Variants in PILRA observed in about 807,000 individuals in gnomAD.
PILRA encodes paired immunoglobulin-like type 2 receptor alpha.
A neutral mutation model predicts 33.1 loss-of-function variants in PILRA; 37 were observed. That is an observed-to-expected ratio of 1.12 (90% CI 0.86 to 1.47). The LOEUF (loss-of-function observed/expected upper bound fraction) is 1.47. Among genes scored for constraint, PILRA ranks in the 40% most tolerant of loss-of-function variants. The pLI, the probability that PILRA is intolerant of heterozygous loss-of-function variation, is 0.00. For missense variants in PILRA, 312 were observed against 376.2 expected, an observed-to-expected ratio of 0.83 and a Z score of 1.41; for synonymous variants, 146 against 149.9, an observed-to-expected ratio of 0.97 and a Z score of 0.19.
rs769116330 is a variant in PILRA, at chr7:100,374,360, T to C, written c.381T>C (p.Val127=). 9.3e-6 allele frequency: 15 copies of C among 1,614,092 alleles called. No homozygotes were observed. The highest frequency in any genetic ancestry group is 2.2e-5 in the East Asian group (1 of 44,878). The change falls in exon 2 of 7, where the codon GTT becomes GTC. Residue 127 remains valine, a synonymous_variant. Transcript: ENST00000198536. The stretch of plus-strand genomic sequence containing the variant: ...ACCAGTCTGTGTATTTCTGCCGAGT[T>C]GAGCTGGACACACGGAGCTCAGGGA... The part of the protein sequence containing the change: ...KQDQSVYFCR[V]ELDTRSSGRQ...
chr7:100,382,018 A>ACCCCC (rs1791115177), intron 2 of PILRA, among the ~76,000 whole-genome samples: 1 of 81,932 alleles, frequency 1.2e-5, no homozygotes, highest in African/African-American at 4.4e-5. Context: ...CCCCCACCCC[A>ACCCCC]CCCCCGTAGG....
intron 5 of PILRA, 87 bp downstream of exon 5, chr7:100,399,427 G>C (rs2130252794): frequency 9.3e-6 from 13 of 1,398,214 alleles, no homozygotes; most frequent in Non-Finnish European, 1.3e-5. Flanking sequence ...CCGTGCCCCT[G>C]TCAGTATTTT....
intron 3 of PILRA, among the ~76,000 whole-genome samples, chr7:100,394,590 T>A (rs1791455143): frequency 1.1e-5 from 1 of 89,352 alleles, no homozygotes; most frequent in African/African-American, 5.2e-5. Flanking sequence ...TGAGATTCTA[T>A]CTCAAAAAAA....
At chr7:100,399,090 CACT>C (rs531784284) in intron 4 of PILRA, among the ~76,000 whole-genome samples, 198 bp from the exon 5 acceptor site, 11 of 152,032 alleles carry the variant, frequency 7.2e-5, no homozygotes, top group Non-Finnish European at 1.6e-4. Context: ...AGGCACACAC[CACT>C]ACGTCTGGCT....
intron 2 of PILRA, among the ~76,000 whole-genome samples, chr7:100,388,704 C>CCACTG (rs1459262254): frequency 6.9e-6 from 1 of 145,966 alleles, no homozygotes; most frequent in African/African-American, 2.6e-5. Flanking sequence ...CGAGGCTGCA[C>CCACTG]CACTGCACTC....
chr7:100,373,877 C>G (rs933618416), intron 1 of PILRA, among the ~76,000 whole-genome samples, 157 bp downstream of exon 1: 1 of 152,128 alleles, frequency 6.6e-6, no homozygotes, highest in African/African-American at 2.4e-5. Context: ...CTCTCCCCCT[C>G]CTCCCTCCCC....
chr7:100,376,744 G>C (rs891611991), intron 2 of PILRA, among the ~76,000 whole-genome samples: 2 of 135,650 alleles, frequency 1.5e-5, no homozygotes, highest in African/African-American at 5.6e-5. Context: ...TTACAGGTGT[G>C]AGCCACCTTG....
intron 2 of PILRA, among the ~76,000 whole-genome samples, chr7:100,375,601 G>A (rs538758637): frequency 3.9e-5 from 6 of 152,264 alleles, no homozygotes; most frequent in African/African-American, 9.6e-5. Flanking sequence ...GTGTGGTGGC[G>A]CATGCCTGTA....
chr7:100,396,861 T>C (rs1291081376), intron 3 of PILRA, among the ~76,000 whole-genome samples: 1 of 152,030 alleles, frequency 6.6e-6, no homozygotes, highest in Non-Finnish European at 1.5e-5. Context: ...AGGGGTTCTT[T>C]AAAACTGTTT....
chr7:100,381,611 C>G (rs1791095607), intron 2 of PILRA, among the ~76,000 whole-genome samples: 1 of 152,262 alleles, frequency 6.6e-6, no homozygotes, highest in South Asian at 2.1e-4. Context: ...TCCTCGGCCT[C>G]TGTGCCCACT....
chr7:100,394,705 A>G (rs1054476102), intron 3 of PILRA, among the ~76,000 whole-genome samples: 2 of 152,158 alleles, frequency 1.3e-5, no homozygotes, highest in Admixed American at 1.3e-4. Flanking sequence ...TGGTCAAAAG[A>G]CTTGACAAGG....
At chr7:100,378,809 G>A (rs1250837052) in intron 2 of PILRA, among the ~76,000 whole-genome samples, 1 of 151,910 alleles carries the variant, frequency 6.6e-6, no homozygotes, top group African/African-American at 2.4e-5. Context: ...TAATGCATAG[G>A]CAGCCAGGCG....
intron 2 of PILRA, among the ~76,000 whole-genome samples, chr7:100,382,733 A>G (rs1160005260): frequency 1.3e-5 from 2 of 152,078 alleles, no homozygotes; most frequent in Admixed American, 6.6e-5. Context: ...TGCTTTTTGC[A>G]CTAAGTCTTG....
intron 2 of PILRA, among the ~76,000 whole-genome samples, chr7:100,384,946 G>A (rs1335951703): frequency 6.6e-6 from 1 of 152,164 alleles, no homozygotes; most frequent in African/African-American, 2.4e-5. Context: ...AGTGAGGCAG[G>A]AGAACCAAGG....
chr7:100,375,041 C>T (rs1304070734), intron 2 of PILRA, among the ~76,000 whole-genome samples: 4 of 152,116 alleles, frequency 2.6e-5, no homozygotes, highest in African/African-American at 7.2e-5. Flanking sequence ...TGACCTGTCT[C>T]GCCTCTTCTC....
At chr7:100,386,374 T>C (rs764575772) in intron 2 of PILRA, among the ~76,000 whole-genome samples, 7 of 152,130 alleles carry the variant, frequency 4.6e-5, no homozygotes, top group African/African-American at 7.2e-5. Context: ...TGTGGTGGCA[T>C]GCACCTGCAA....
At position 100,374,591 on chromosome 7, in the gene PILRA, C is replaced by T. The variant is rs899208351; in HGVS notation, c.454+158C>T. The T allele has an allele frequency of 3.8e-6, 3 of 786,162 alleles. No homozygotes were observed. The African/African-American group carries it at 5.1e-5, about 13-fold the overall frequency. 48.7% of individuals were successfully genotyped at this position (786,162 alleles called of 1,614,324 possible). On this transcript the variant is annotated intron_variant, in intron 2 of 6. Transcript: ENST00000198536. ...CTTCCTCAGGCCTTTGCCACCTCTC[C>T]CCTTTTCTCTTCCCCTTGTCTCCAC...
At chr7:100,399,740 C>T in intron 6 of PILRA, 45 bp from the exon 7 acceptor site, 1 of 1,611,388 alleles carries the variant, frequency 6.2e-7, no homozygotes. Context: ...ATGGGAACAG[C>T]TCCGTCTCCA....
Position 100,374,169 on chromosome 7 carries a change from G to A in PILRA, c.190G>A (p.Ala64Thr). ...CTATTACCCCTGGGAGTTAGCCACA[G>A]CTCCCGACGTGAGAATATCCTGGAG... is the stretch of plus-strand genomic sequence containing the variant. ...SFYYPWELATAPDVRISWRRG... is the reference protein window; with the variant it reads ...SFYYPWELATTPDVRISWRRG... The change falls in exon 2 of 7, where the codon GCT becomes ACT. Residue 64 changes from alanine to threonine, a missense_variant. Transcript: ENST00000198536. 6.2e-7 allele frequency: 1 copy of A among 1,614,116 alleles called. No homozygotes were observed. Among genetic ancestry groups the A allele is most frequent in the Non-Finnish European group, 8.5e-7 (1 of 1,180,024 alleles).
Sources: gnomAD v4.1 joint callset for allele counts (sites outside exome capture counted in the v4.1 genomes callset) on GRCh38, gnomAD v4.1.1 for gene constraint, MANE v1.5 for transcripts, NCBI Gene and HGNC (gene_info 2026-07-23, HGNC 2026-07-21) for gene names.